Variants in BTRC observed in about 807,000 individuals in gnomAD.
The protein encoded by BTRC is beta-transducin repeat containing E3 ubiquitin protein ligase.
BTRC carries 42 observed loss-of-function variants against 85.5 expected under a neutral mutation model. That is an observed-to-expected ratio of 0.49 (90% CI 0.38 to 0.64). The LOEUF is 0.64. BTRC is among the 30% of genes least tolerant of loss of function. BTRC has a pLI of 0.00. For missense variants in BTRC, 594 were observed against 743.5 expected (o/e 0.80, Z 2.34); for synonymous variants, 255 against 263.3 (o/e 0.97, Z 0.30).
At chr10:101,403,400 T>A (rs753276999) in intron 1 of BTRC, among the ~76,000 whole-genome samples, 1 of 152,228 alleles carries the variant, frequency 6.6e-6, no homozygotes, top group Non-Finnish European at 1.5e-5. Context: ...AAATCCTACT[T>A]AGTCATGGTG....
At chr10:101,455,398 G>T (rs1945050454) in intron 2 of BTRC, among the ~76,000 whole-genome samples, 1 of 152,024 alleles carries the variant, frequency 6.6e-6, no homozygotes, top group African/African-American at 2.4e-5. Flanking sequence ...ACAGAAACTG[G>T]CCCTGCCTTG....
At chr10:101,518,102 C>T (rs1044868115) in intron 4 of BTRC, among the ~76,000 whole-genome samples, 13 of 151,482 alleles carry the variant, frequency 8.6e-5, no homozygotes, top group Admixed American at 8.6e-4. Context: ...TTAGTAGAGA[C>T]GGGGTTTCAC....
intron 1 of BTRC, among the ~76,000 whole-genome samples, chr10:101,375,271 C>T (rs920053838): frequency 6.6e-6 from 1 of 151,968 alleles, no homozygotes; most frequent in Non-Finnish European, 1.5e-5. Context: ...TCTCTGCCCC[C>T]CTCTCTTCCC....
At chr10:101,473,131 C>T (rs948546890) in intron 3 of BTRC, among the ~76,000 whole-genome samples, 10 of 135,190 alleles carry the variant, frequency 7.4e-5, no homozygotes, top group African/African-American at 9.6e-5. Flanking sequence ...TGACTAAGAC[C>T]GATCTTTTTT....
intron 3 of BTRC, among the ~76,000 whole-genome samples, chr10:101,471,247 G>A (rs1945516349): frequency 1.3e-5 from 2 of 152,138 alleles, no homozygotes; most frequent in Non-Finnish European, 2.9e-5. Context: ...GAGGGGCTGG[G>A]TGTGGTGGCT....
chr10:101,494,694 A>T (rs761489972), intron 4 of BTRC, among the ~76,000 whole-genome samples: 11 of 152,180 alleles, frequency 7.2e-5, no homozygotes, highest in African/African-American at 1.2e-4. Context: ...TTCTTTCAGG[A>T]TGAGAAAGAT....
At chr10:101,391,366 C>G (rs971180524) in intron 1 of BTRC, among the ~76,000 whole-genome samples, 1 of 152,092 alleles carries the variant, frequency 6.6e-6, no homozygotes, top group Non-Finnish European at 1.5e-5. Flanking sequence ...TCTAATTTAC[C>G]AGCAAATGGA....
intron 4 of BTRC, among the ~76,000 whole-genome samples, chr10:101,508,938 T>TAAAAAAAAAAAAAAAAAAA (rs1554890315): frequency 1.0e-4 from 11 of 106,482 alleles, no homozygotes; most frequent in South Asian, 3.5e-4. Flanking sequence ...AAAAAAAAAC[T>TAAAAAAAAAAAAAAAAAAA]AAAAGTAGAA....
intron 1 of BTRC, among the ~76,000 whole-genome samples, chr10:101,414,353 A>G (rs1943867117): frequency 6.6e-6 from 1 of 152,168 alleles, no homozygotes; most frequent in South Asian, 2.1e-4. Flanking sequence ...ATATAATGCA[A>G]GGCATTATTC....
At chr10:101,497,208 T>C (rs998011926) in intron 4 of BTRC, among the ~76,000 whole-genome samples, 11 of 152,220 alleles carry the variant, frequency 7.2e-5, no homozygotes, top group African/African-American at 2.7e-4. Context: ...CATATGCTTA[T>C]AGGTCTTTAT....
chr10:101,413,463 G>GC (rs1366975486), intron 1 of BTRC, among the ~76,000 whole-genome samples: 1 of 151,966 alleles, frequency 6.6e-6, no homozygotes, highest in Non-Finnish European at 1.5e-5. Context: ...ACAGGCACCT[G>GC]CCACCACGCC....
intron 4 of BTRC, among the ~76,000 whole-genome samples, chr10:101,505,155 A>AGG (rs1946496785): frequency 9.6e-6 from 1 of 104,390 alleles, no homozygotes; most frequent in African/African-American, 3.1e-5. Context: ...ATATATGTAT[A>AGG]TGTATATATA....
At chr10:101,354,101 G>A, upstream of BTRC, 1 of 1,495,258 alleles carries the variant, frequency 6.7e-7, no homozygotes, top group Admixed American at 2.0e-5. Flanking sequence ...GAGGAGGCGG[G>A]ATCCGGGCGC....
chr10:101,354,901 A>G (rs1157084212), intron 1 of BTRC, among the ~76,000 whole-genome samples: 1 of 152,206 alleles, frequency 6.6e-6, no homozygotes, highest in Non-Finnish European at 1.5e-5. Context: ...ACCTAGGGCT[A>G]TAATGACAGT....
rs143870719 is a variant in BTRC, at chr10:101,496,399, T to A, written c.324+16942T>A. 6.8e-4 allele frequency among the ~76,000 whole-genome samples: 103 copies of A among 152,184 alleles called. 1 individual carries two copies. In the East Asian group the frequency reaches 0.017, roughly 25 times the overall value. On this transcript the variant is annotated intron_variant, in intron 4 of 14. Coordinates refer to ENST00000370187, the MANE Select transcript of BTRC (RefSeq NM_033637.4). ...TGGTGATACGTAGTAGTATTATGTA[T>A]GACATTTTGGATTTTGTTTTAAGTT... is the stretch of plus-strand genomic sequence containing the variant.
At chr10:101,406,524 CTTTTTT>C (rs58902120) in intron 1 of BTRC, among the ~76,000 whole-genome samples, 6 of 50,424 alleles carry the variant, frequency 1.2e-4, no homozygotes, top group Admixed American at 1.0e-3. Context: ...TCTCAGGTTT[CTTTTTT>C]TTTTTTTTTT....
intron 13 of BTRC, among the ~76,000 whole-genome samples, chr10:101,547,664 T>C (rs920278630): frequency 2.6e-5 from 4 of 152,190 alleles, no homozygotes; most frequent in Non-Finnish European, 5.9e-5. Context: ...ATTGCCCTTA[T>C]GTTTAGCAAT....
At chr10:101,533,157 C>T in intron 9 of BTRC, 87 bp downstream of exon 9, 1 of 927,196 alleles carries the variant, frequency 1.1e-6, no homozygotes. Flanking sequence ...TATATATCGG[C>T]ACAGTTCTGA....
intron 4 of BTRC, 81 bp downstream of exon 4, chr10:101,479,538 T>C: frequency 1.8e-6 from 2 of 1,120,140 alleles, no homozygotes; most frequent in East Asian, 2.5e-5. Context: ...TCAGTATTGC[T>C]TAAGGATTAT....
Sources: gnomAD v4.1 joint callset for allele counts (sites outside exome capture counted in the v4.1 genomes callset) on GRCh38, gnomAD v4.1.1 for gene constraint, MANE v1.5 for transcripts, NCBI Gene and HGNC (gene_info 2026-07-23, HGNC 2026-07-21) for gene names.